The following DDO variants were observed in gnomAD, a reference collection of about 807,000 sequenced individuals.
DDO encodes the protein D-aspartate oxidase, also known as D-aspartate oxidase, DDO.
DDO carries 16 observed loss-of-function variants against 16.8 expected under a neutral mutation model. That is an observed-to-expected ratio of 0.95 (90% CI 0.65 to 1.45). DDO has a LOEUF of 1.45. Among genes scored for constraint, DDO ranks in the 40% most tolerant of loss-of-function variants. The pLI is 0.00. For missense variants in DDO, 429 were observed against 420.3 expected, an observed-to-expected ratio of 1.02 and a Z score of -0.18; for synonymous variants, 180 against 167.2, an observed-to-expected ratio of 1.08 and a Z score of -0.59.
chr6:110,410,804 A>T (rs370634618), intron 2 of DDO, among the ~76,000 whole-genome samples: 1 of 152,064 alleles, frequency 6.6e-6, no homozygotes, highest in East Asian at 1.9e-4. Context: ...ATACAGCCAA[A>T]CTATATCAGC....
At chr6:110,411,430 C>A (rs757527934) in intron 2 of DDO, among the ~76,000 whole-genome samples, 5 of 152,004 alleles carry the variant, frequency 3.3e-5, no homozygotes, top group Admixed American at 6.5e-5. Flanking sequence ...AGATACTATT[C>A]AGGGAGAAAG....
intron 3 of DDO, among the ~76,000 whole-genome samples, chr6:110,405,891 C>T (rs1450755576): frequency 6.6e-6 from 1 of 151,688 alleles, no homozygotes; most frequent in East Asian, 1.9e-4. Flanking sequence ...CGAGTAAGAC[C>T]CTGCCTCAAA....
rs76777193 is a variant in DDO at position 110,414,436 on chromosome 6, C to T, written c.-4-970G>A. 9.8e-3 allele frequency among the ~76,000 whole-genome samples: 1,495 copies of T among 152,312 alleles called. 27 individuals carry two copies. The highest frequency in any genetic ancestry group is 0.035 in the African/African-American group (1,446 of 41,564). On this transcript the variant is annotated intron_variant, in intron 1 of 4. Transcript: ENST00000368924. ...CTTTGGGTGGTAAATAAGAGAGACC[C>T]AGTGAGGCGGTCTCATAAAGGGGGC...
chr6:110,389,279 G>C (rs1396403769), downstream of DDO, among the ~76,000 whole-genome samples: 1 of 152,136 alleles, frequency 6.6e-6, no homozygotes, highest in Non-Finnish European at 1.5e-5. Flanking sequence ...TTCAGGCTTG[G>C]ACTAGAACTG....
Position 110,408,354 on chromosome 6 carries a change from A to G in DDO, c.261T>C (p.Ala87=). ...AIANSAEAGD[A]GVHLVSGWQI... is the part of the protein sequence containing the mutation. Reference sequence around the variant, plus strand: ...CTTACCCTGATACCAAATGAACACCAGCATCTCCAGCTTCTGCAGAATTGG... The same window carrying G: ...CTTACCCTGATACCAAATGAACACCGGCATCTCCAGCTTCTGCAGAATTGG... Residue 87 remains alanine (A), a synonymous_variant, in exon 3 of 5, where the codon GCT becomes GCC. Transcript: ENST00000368924. 6.2e-7 allele frequency: 1 copy of G among 1,614,154 alleles called. No homozygotes were observed. Among genetic ancestry groups the G allele is most frequent in the South Asian group, 1.1e-5 (1 of 91,078 alleles).
intron 4 of DDO, among the ~76,000 whole-genome samples, chr6:110,394,881 T>C (rs187677219): frequency 1.3e-5 from 2 of 152,324 alleles, no homozygotes; most frequent in East Asian, 3.9e-4. Context: ...TCAATCACAA[T>C]ACATCTTAGA....
At chr6:110,391,070 A>T (rs944486968), downstream of DDO, among the ~76,000 whole-genome samples, 1 of 152,222 alleles carries the variant, frequency 6.6e-6, no homozygotes, top group South Asian at 2.1e-4. Context: ...ACTTGATTTT[A>T]CTTGAGAATG....
chr6:110,408,838 A>G (rs1468579674), intron 2 of DDO, among the ~76,000 whole-genome samples: 2 of 152,218 alleles, frequency 1.3e-5, no homozygotes, highest in Admixed American at 1.3e-4. Context: ...AGTTGAGACA[A>G]TAGGACCAAG....
chr6:110,411,466 T>C (rs1384285333), intron 2 of DDO, among the ~76,000 whole-genome samples: 1 of 152,182 alleles, frequency 6.6e-6, no homozygotes, highest in Non-Finnish European at 1.5e-5. Flanking sequence ...ATTAGTATCT[T>C]CATAAAGATA....
chr6:110,413,197 C>A (rs1773917552), intron 2 of DDO, 94 bp downstream of exon 2: 2 of 1,417,622 alleles, frequency 1.4e-6, no homozygotes, highest in South Asian at 1.3e-5. Flanking sequence ...ATTACACTTA[C>A]ACCTATAGCC....
chr6:110,391,470 A>G (rs59522971), downstream of DDO, among the ~76,000 whole-genome samples: 10,575 of 150,708 alleles, frequency 0.07, 1,175 homozygotes, highest in African/African-American at 0.24. Context: ...CGAGTAGCTG[A>G]GATTACAGGC....
chr6:110,410,393 T>G (rs750823870), intron 2 of DDO, among the ~76,000 whole-genome samples: 32 of 152,328 alleles, frequency 2.1e-4, no homozygotes, highest in Admixed American at 3.9e-4. Context: ...TCCCAAGAAC[T>G]CTCGTCACAA....
chr6:110,411,446 A>G (rs1218528884), intron 2 of DDO, among the ~76,000 whole-genome samples: 3 of 152,216 alleles, frequency 2.0e-5, no homozygotes, highest in African/African-American at 4.8e-5. Flanking sequence ...GAAAGTTTTT[A>G]AAAACTGTTA....
chr6:110,413,313 C>T lies in DDO; in HGVS notation c.150G>A (p.Met50Ile). 8 of 1,614,138 alleles carry T rather than the reference C, an allele frequency of 5.0e-6. No homozygotes were observed. Among genetic ancestry groups the T allele is most frequent in the South Asian group, 1.1e-5 (1 of 91,066 alleles). The change falls in exon 2 of 5, where the codon ATG (methionine) becomes ATA (isoleucine). Residue 50 changes from methionine to isoleucine, a missense_variant. Met to Ile is a conservative substitution (Grantham distance 10, BLOSUM62 1). Transcript: ENST00000368924. ...CACCTGGATAAGTGTGAGGAATAAG[C>T]ATTCCGGCTGCCACATCACTGGTGG... ...PDTTSDVAAG[M>I]LIPHTYPDTP...
chr6:110,394,436 A>G (rs1773224206), intron 4 of DDO, among the ~76,000 whole-genome samples: 1 of 152,168 alleles, frequency 6.6e-6, no homozygotes, highest in African/African-American at 2.4e-5. Flanking sequence ...TGCAAAATGG[A>G]AAGTCTACCC....
rs1362918009 is a variant in DDO at position 110,392,595 on chromosome 6, G to C, written c.*180C>G. ...TGGGCTCAACAATCCTCCTGCCTCA[G>C]CCTCTCAAGTAGCTGGGACTATAGG... is the stretch of plus-strand genomic sequence containing the variant. On this transcript the variant is annotated 3_prime_UTR_variant, in exon 5 of 5. Transcript: ENST00000368924. The C allele has an allele frequency of 4.8e-6, 6 of 1,256,900 alleles. No individual in the cohort carries two copies. In the East Asian group the frequency reaches 1.8e-4, roughly 38 times the overall value. The allele number at this position is 1,256,900 out of a possible 1,614,324, so 77.9% of individuals were successfully genotyped here.
downstream of DDO, among the ~76,000 whole-genome samples, chr6:110,389,820 A>AT (rs1188567333): frequency 6.6e-6 from 1 of 152,192 alleles, no homozygotes; most frequent in Non-Finnish European, 1.5e-5. Context: ...ATTTCTAGAG[A>AT]TGGCAATATG....
rs923640431 is a variant in DDO at position 110,392,265 on chromosome 6, A to C, written c.*510T>G. On this transcript the variant is annotated 3_prime_UTR_variant, in exon 5 of 5. Transcript: ENST00000368924. ...AAGATCACAGGCAGCTCTGCAATTG[A>C]CAGTGATTTAAATGTTTTCCATACA... 3.0e-6 allele frequency: 3 copies of C among 985,434 alleles called. No homozygotes were observed. The highest frequency in any genetic ancestry group is 1.2e-4 in the Admixed American group (2 of 16,278). The allele number at this position is 985,434 out of a possible 1,614,324, so 61.0% of individuals were successfully genotyped here. A position where few individuals can be genotyped will look rare whatever the true frequency, so the allele number is the denominator to read the frequency against.
intron 4 of DDO, among the ~76,000 whole-genome samples, chr6:110,399,432 A>C (rs1247121949): frequency 6.6e-6 from 1 of 152,222 alleles, no homozygotes; most frequent in African/African-American, 2.4e-5. Flanking sequence ...GAGTGTGAGG[A>C]GCAAACAGAG....
Sources: allele counts gnomAD v4.1 joint callset (sites outside exome capture counted in the v4.1 genomes callset), GRCh38; gene constraint gnomAD v4.1.1; transcripts MANE v1.5; gene names NCBI Gene and HGNC (gene_info 2026-07-23, HGNC 2026-07-21).